The following PTPRD variants were observed in gnomAD, a reference collection of about 807,000 sequenced individuals.
PTPRD encodes the protein protein tyrosine phosphatase receptor type D.
In PTPRD, 34 loss-of-function variants were observed where a neutral mutation model predicts 214.5. The ratio of observed to expected loss-of-function variants is 0.16; its 90% CI spans 0.12 to 0.21. The LOEUF (loss-of-function observed/expected upper bound fraction) is 0.21, where lower values mean the gene tolerates loss of function less well. PTPRD is among the 10% of genes least tolerant of loss of function. The pLI is 1.00. For synonymous variants in PTPRD, 1,128 were observed against 845.7 expected (o/e 1.33, Z -5.79); for missense variants, 2,545 against 2,398.7 (o/e 1.06, Z -1.27).
At chr9:10,427,860 C>A (rs2154519556) in intron 2 of PTPRD, among the ~76,000 whole-genome samples, 1 of 152,158 alleles carries the variant, frequency 6.6e-6, no homozygotes, top group Admixed American at 6.6e-5. Flanking sequence ...TTTAAACCCA[C>A]TTAACTGATA....
intron 10 of PTPRD, among the ~76,000 whole-genome samples, chr9:9,134,966 A>G (rs2099848655): frequency 6.6e-6 from 1 of 152,188 alleles, no homozygotes; most frequent in Admixed American, 6.5e-5. Flanking sequence ...TTTCCACAAT[A>G]TAATCAATGA....
intron 3 of PTPRD, among the ~76,000 whole-genome samples, chr9:10,218,769 T>A (rs1176759918): frequency 6.6e-6 from 1 of 151,850 alleles, no homozygotes; most frequent in Non-Finnish European, 1.5e-5. Context: ...TCTTGGTGAT[T>A]TATAACATTC....
intron 10 of PTPRD, among the ~76,000 whole-genome samples, chr9:9,118,918 A>G (rs936421600): frequency 6.6e-6 from 1 of 152,152 alleles, no homozygotes; most frequent in Non-Finnish European, 1.5e-5. Flanking sequence ...ATCACACCAC[A>G]TTTTACTCCA....
chr9:9,798,255 G>C (rs1052844453), intron 5 of PTPRD, among the ~76,000 whole-genome samples: 2 of 152,008 alleles, frequency 1.3e-5, no homozygotes, highest in Non-Finnish European at 2.9e-5. Flanking sequence ...TAATAAAAGA[G>C]GTCAACAAGG....
At chr9:8,393,440 T>A (rs2090225845) in intron 36 of PTPRD, among the ~76,000 whole-genome samples, 1 of 152,134 alleles carries the variant, frequency 6.6e-6, no homozygotes, top group Non-Finnish European at 1.5e-5. Context: ...TTCCTGTTTG[T>A]TTGTTTTTTG....
intron 6 of PTPRD, among the ~76,000 whole-genome samples, chr9:9,759,442 G>C (rs10977957): frequency 0.054 from 8,208 of 151,882 alleles, 658 homozygotes; most frequent in East Asian, 0.38. Flanking sequence ...ACTGAGTGGA[G>C]TTCTGTTTGG....
At chr9:10,421,183 A>C (rs901905392) in intron 2 of PTPRD, among the ~76,000 whole-genome samples, 16 of 151,834 alleles carry the variant, frequency 1.1e-4, no homozygotes, top group Non-Finnish European at 1.9e-4. Context: ...TTGATCTACA[A>C]AAAAATTCAC....
chr9:9,306,029 C>A (rs1325853774), intron 9 of PTPRD, among the ~76,000 whole-genome samples: 1 of 152,102 alleles, frequency 6.6e-6, no homozygotes, highest in Admixed American at 6.6e-5. Flanking sequence ...TCATAAGACA[C>A]TAAATACCAG....
chr9:9,349,467 G>A (rs995703137), intron 9 of PTPRD, among the ~76,000 whole-genome samples: 6 of 152,028 alleles, frequency 3.9e-5, no homozygotes, highest in South Asian at 2.1e-4. Flanking sequence ...GCTGCCACAG[G>A]TAAAGTGATA....
chr9:8,776,326 G>C (rs566323336), intron 11 of PTPRD, among the ~76,000 whole-genome samples: 163 of 152,214 alleles, frequency 1.1e-3, no homozygotes, highest in Non-Finnish European at 2.0e-3. Context: ...TTTTGAGACA[G>C]GGTCTTACTC....
chr9:9,406,668 A>G (rs944010224), intron 8 of PTPRD, among the ~76,000 whole-genome samples: 1 of 151,876 alleles, frequency 6.6e-6, no homozygotes, highest in African/African-American at 2.4e-5. Context: ...AGTTTTTGAG[A>G]GCAGGGAGCA....
intron 39 of PTPRD, among the ~76,000 whole-genome samples, chr9:8,357,786 G>C (rs190123157): frequency 1.0e-3 from 155 of 152,238 alleles, no homozygotes; most frequent in African/African-American, 3.1e-3. Flanking sequence ...CAGGGATGCA[G>C]CATACATTTC....
At chr9:8,834,739 G>A (rs890835500) in intron 11 of PTPRD, among the ~76,000 whole-genome samples, 3 of 152,160 alleles carry the variant, frequency 2.0e-5, no homozygotes, top group African/African-American at 7.2e-5. Flanking sequence ...TTGACCCACA[G>A]ACCAAAACAA....
At chr9:9,888,112 C>T (rs1212194819) in intron 5 of PTPRD, among the ~76,000 whole-genome samples, 1 of 152,104 alleles carries the variant, frequency 6.6e-6, no homozygotes, top group Non-Finnish European at 1.5e-5. Context: ...TCCCTTCAGT[C>T]CTAAGGGAAG....
At chr9:8,458,604 G>A (rs2096282112) in intron 33 of PTPRD, among the ~76,000 whole-genome samples, 1 of 151,992 alleles carries the variant, frequency 6.6e-6, no homozygotes. Context: ...ATTCTCTTCT[G>A]GAAAAAAGTG....
intron 4 of PTPRD, among the ~76,000 whole-genome samples, chr9:9,979,280 G>A (rs1588030174): frequency 6.6e-6 from 1 of 151,852 alleles, no homozygotes; most frequent in African/African-American, 2.4e-5. Flanking sequence ...AATGATTATG[G>A]CAATATTTTA....
intron 14 of PTPRD, among the ~76,000 whole-genome samples, chr9:8,539,257 A>G (rs2077739181): frequency 1.3e-5 from 2 of 152,038 alleles, no homozygotes; most frequent in Admixed American, 6.6e-5. Context: ...TTTATTAAAT[A>G]TAAAGAAAGC....
At chr9:8,605,932 T>A (rs1468883553) in intron 14 of PTPRD, among the ~76,000 whole-genome samples, 1 of 152,166 alleles carries the variant, frequency 6.6e-6, no homozygotes, top group Non-Finnish European at 1.5e-5. Context: ...ATGAGTCCTT[T>A]GGGTTTTTTT....
intron 3 of PTPRD, among the ~76,000 whole-genome samples, chr9:10,190,821 G>A (rs1296336374): frequency 1.3e-5 from 2 of 151,388 alleles, no homozygotes; most frequent in Non-Finnish European, 2.9e-5. Flanking sequence ...TATGAGTCTA[G>A]CAACAAAATA....
Sources: gnomAD v4.1 joint callset for allele counts (sites outside exome capture counted in the v4.1 genomes callset) on GRCh38, gnomAD v4.1.1 for gene constraint, MANE v1.5 for transcripts, NCBI Gene and HGNC (gene_info 2026-07-23, HGNC 2026-07-21) for gene names.